Variants in BNIP3L observed in about 807,000 individuals in gnomAD.
The protein encoded by BNIP3L is BCL2 interacting protein 3 like.
In BNIP3L, 10 loss-of-function variants were observed where a neutral mutation model predicts 25.5. That is an observed-to-expected ratio of 0.39 (90% CI 0.24 to 0.67). The LOEUF is 0.67. BNIP3L is among the 30% of genes least tolerant of loss of function. The pLI, the probability that BNIP3L is intolerant of heterozygous loss-of-function variation, is 0.45. For missense variants in BNIP3L, 215 were observed against 270.9 expected (o/e 0.79, Z 1.45); for synonymous variants, 113 against 101.2 (o/e 1.12, Z -0.70).
chr8:26,385,625 G>T (rs1563336810), intron 1 of BNIP3L, among the ~76,000 whole-genome samples: 1 of 150,806 alleles, frequency 6.6e-6, no homozygotes, highest in African/African-American at 2.4e-5. Flanking sequence ...GGGCGAGGGC[G>T]GGGGCTGAGC....
At chr8:26,401,991 G>T (rs1261365738) in intron 3 of BNIP3L, among the ~76,000 whole-genome samples, 2 of 152,094 alleles carry the variant, frequency 1.3e-5, no homozygotes, top group East Asian at 1.9e-4. Flanking sequence ...TGTATTTAGG[G>T]TGCTTGAAAA....
At chr8:26,405,990 C>T (rs1187284336) in intron 3 of BNIP3L, among the ~76,000 whole-genome samples, 1 of 152,190 alleles carries the variant, frequency 6.6e-6, no homozygotes. Flanking sequence ...TTGCAGTGAG[C>T]CAAGGTCGCG....
chr8:26,396,192 C>G lies in BNIP3L; in HGVS notation c.357+890C>G, dbSNP rs1280285779. ...GGCAGGGCACAGACAAACAAAAAGACAGCAGTAACCTCTGCAGACTTAAAT... is the reference window on the plus strand; with the variant it reads ...GGCAGGGCACAGACAAACAAAAAGAGAGCAGTAACCTCTGCAGACTTAAAT... On this transcript the variant is annotated intron_variant, in intron 3 of 5. Coordinates refer to ENST00000380629, the MANE Select transcript of BNIP3L (RefSeq NM_004331.3). Among the ~76,000 whole-genome samples, 3 of 132,922 alleles carry G rather than the reference C, an allele frequency of 2.3e-5. No individual in the cohort carries two copies. The Admixed American group carries it at 2.3e-4, about 10-fold the overall frequency. The allele number at this position is 132,922 out of a possible 152,430, so 87.2% of individuals were successfully genotyped here.
At chr8:26,387,878 C>T (rs1203294457) in intron 1 of BNIP3L, among the ~76,000 whole-genome samples, 2 of 152,024 alleles carry the variant, frequency 1.3e-5, no homozygotes, top group Non-Finnish European at 2.9e-5. Context: ...AGTAGTTAAC[C>T]ATTGCCATTT....
chr8:26,402,077 A>G (rs1268772958), intron 3 of BNIP3L, among the ~76,000 whole-genome samples: 1 of 152,184 alleles, frequency 6.6e-6, no homozygotes, highest in African/African-American at 2.4e-5. Flanking sequence ...TGTCCTGGGC[A>G]CTAGAAATAT....
At chr8:26,404,522 T>G (rs1563342538) in intron 3 of BNIP3L, among the ~76,000 whole-genome samples, 1 of 152,078 alleles carries the variant, frequency 6.6e-6, no homozygotes, top group Non-Finnish European at 1.5e-5. Context: ...ATCTTCTTTG[T>G]TTTTGTTTTT....
intron 3 of BNIP3L, among the ~76,000 whole-genome samples, chr8:26,396,559 C>T (rs2117478388): frequency 6.9e-6 from 1 of 144,564 alleles, no homozygotes; most frequent in African/African-American, 2.6e-5. Flanking sequence ...CTCTAAAACA[C>T]AGAGCGCCTC....
intron 3 of BNIP3L, among the ~76,000 whole-genome samples, chr8:26,396,986 C>T (rs868433038): frequency 2.3e-3 from 115 of 50,304 alleles, no homozygotes; most frequent in African/African-American, 8.9e-3. Flanking sequence ...AAGACCAAAT[C>T]TACGTCTGAT....
intron 5 of BNIP3L, among the ~76,000 whole-genome samples, chr8:26,409,076 T>C (rs994388226): frequency 2.6e-5 from 4 of 152,126 alleles, no homozygotes; most frequent in African/African-American, 9.7e-5. Flanking sequence ...AATACATGAT[T>C]ACATTGAATA....
At chr8:26,407,563 A>G (rs957577842) in intron 3 of BNIP3L, among the ~76,000 whole-genome samples, 5 of 150,524 alleles carry the variant, frequency 3.3e-5, no homozygotes, top group African/African-American at 1.2e-4. Flanking sequence ...TCTGACCTCA[A>G]GTGATCCGCC....
chr8:26,390,964 A>G (rs1205686390), intron 1 of BNIP3L, among the ~76,000 whole-genome samples: 1 of 152,182 alleles, frequency 6.6e-6, no homozygotes, highest in African/African-American at 2.4e-5. Flanking sequence ...GAGTGTTATT[A>G]TAAACCAAGC....
At position 26,392,508 on chromosome 8, in the gene BNIP3L, T is replaced by C. The variant is rs1486786591; in HGVS notation, c.284+1082T>C. ...GTCCAACTTCCTGAGTGGCTTATGA[T>C]CCACTAATGTTGCCAAGGCAGCGGG... On this transcript the variant is annotated intron_variant, in intron 2 of 5. Coordinates refer to ENST00000380629, the MANE Select transcript of BNIP3L (RefSeq NM_004331.3). Among the ~76,000 whole-genome samples, 5 of 152,218 alleles carry C rather than the reference T, an allele frequency of 3.3e-5. No individual in the cohort carries two copies. The East Asian group carries it at 9.6e-4, about 29-fold the overall frequency.
At chr8:26,388,354 A>C (rs985445079) in intron 1 of BNIP3L, among the ~76,000 whole-genome samples, 2 of 152,182 alleles carry the variant, frequency 1.3e-5, no homozygotes, top group African/African-American at 4.8e-5. Flanking sequence ...TATTATCTCT[A>C]TTTTATAGAT....
At chr8:26,389,746 T>C (rs1563337866) in intron 1 of BNIP3L, among the ~76,000 whole-genome samples, 1 of 152,244 alleles carries the variant, frequency 6.6e-6, no homozygotes, top group East Asian at 1.9e-4. Context: ...GAAGCTCAGG[T>C]CACACAGGTA....
chr8:26,396,391 C>T (rs2117477988), intron 3 of BNIP3L, among the ~76,000 whole-genome samples: 2 of 82,034 alleles, frequency 2.4e-5, no homozygotes, highest in South Asian at 1.1e-3. Flanking sequence ...CAGGGTATTC[C>T]AACAGACCTG....
At chr8:26,401,958 C>T (rs529583435) in intron 3 of BNIP3L, among the ~76,000 whole-genome samples, 31 of 152,122 alleles carry the variant, frequency 2.0e-4, no homozygotes, top group Non-Finnish European at 3.2e-4. Context: ...TTCTTGAGGA[C>T]GGGAACCATT....
At chr8:26,403,443 A>G (rs1204699850) in intron 3 of BNIP3L, among the ~76,000 whole-genome samples, 1 of 152,118 alleles carries the variant, frequency 6.6e-6, no homozygotes, top group African/African-American at 2.4e-5. Context: ...ATATGTGTTT[A>G]TAAGGACTAT....
chr8:26,403,435 ATG>A (rs1473017291), intron 3 of BNIP3L, among the ~76,000 whole-genome samples: 1 of 152,070 alleles, frequency 6.6e-6, no homozygotes, highest in African/African-American at 2.4e-5. Context: ...ATGTTTTTAT[ATG>A]TGTTTATAAG....
At position 26,408,115 on chromosome 8, in the gene BNIP3L, CAT is replaced by C. The variant is rs369179592; in HGVS notation, c.461+13_461+14del. On this transcript the variant is annotated intron_variant, in intron 4 of 5. Transcript: ENST00000380629. The stretch of plus-strand genomic sequence containing the variant: ...AACATTCCACCCAAGTGAGTTCTCA[CAT>C]GTTTCTTGTCAGTGGACACAGTTGA... The C allele has an allele frequency of 1.2e-5, 19 of 1,613,562 alleles. No homozygotes were observed. Among genetic ancestry groups the C allele is most frequent in the African/African-American group, 9.3e-5 (7 of 75,040 alleles).
Sources: gnomAD v4.1 joint callset for allele counts (sites outside exome capture counted in the v4.1 genomes callset) on GRCh38, gnomAD v4.1.1 for gene constraint, MANE v1.5 for transcripts, NCBI Gene and HGNC (gene_info 2026-07-23, HGNC 2026-07-21) for gene names.